EAF2: variants seen among roughly 807,000 people sequenced by gnomAD.
EAF2 encodes ELL associated factor 2.
In EAF2, 29 loss-of-function variants were observed where a neutral mutation model predicts 29.4. The observed-to-expected ratio is 0.99, with a 90% CI of 0.73 to 1.35. EAF2 has a LOEUF of 1.35. Among genes scored for constraint, EAF2 ranks in the 40% most tolerant of loss-of-function variants. The pLI, the probability that EAF2 is intolerant of heterozygous loss-of-function variation, is 0.00. For synonymous variants in EAF2, 103 were observed against 102.5 expected (o/e 1.00, Z -0.03); for missense variants, 292 against 312.0 (o/e 0.94, Z 0.48).
intron 4 of EAF2, among the ~76,000 whole-genome samples, chr3:121,863,872 T>A (rs892241337): frequency 6.6e-6 from 1 of 152,088 alleles, no homozygotes; most frequent in Non-Finnish European, 1.5e-5. Context: ...GTAAAAAAAA[T>A]GACTCTTTAG....
At chr3:121,876,472 A>G (rs990299328) in intron 5 of EAF2, among the ~76,000 whole-genome samples, 1 of 151,962 alleles carries the variant, frequency 6.6e-6, no homozygotes, top group Non-Finnish European at 1.5e-5. Context: ...TGAACAAAAA[A>G]ATAGATAAAA....
At chr3:121,877,861 A>G (rs1709127776) in intron 5 of EAF2, among the ~76,000 whole-genome samples, 1 of 152,180 alleles carries the variant, frequency 6.6e-6, no homozygotes, top group South Asian at 2.1e-4. Context: ...GGTGCACTAC[A>G]GCCTCGAACT....
Position 121,855,796 on chromosome 3 carries a change from T to C in EAF2, c.338+973T>C, listed in dbSNP as rs188963140. On this transcript the variant is annotated intron_variant, in intron 3 of 5. Transcript: ENST00000273668. ...ATTGGGCTAGAGGTAAGGTTGTAAT[T>C]TTGTTGGTTGAGGTTAGTGCCATCA... Among the ~76,000 whole-genome samples, 6 of 152,292 alleles carry C rather than the reference T, an allele frequency of 3.9e-5. No homozygotes were observed. The East Asian group carries it at 1.2e-3, about 29-fold the overall frequency.
intron 1 of EAF2, among the ~76,000 whole-genome samples, chr3:121,843,515 T>C (rs1024856493): frequency 6.6e-6 from 1 of 152,174 alleles, no homozygotes; most frequent in Non-Finnish European, 1.5e-5. Context: ...TGTCACTGTG[T>C]AAAAGTCAAA....
intron 1 of EAF2, among the ~76,000 whole-genome samples, chr3:121,837,116 CACTT>C (rs1163853623): frequency 1.3e-5 from 2 of 152,162 alleles, no homozygotes; most frequent in African/African-American, 4.8e-5. Context: ...TTTGAATACA[CACTT>C]AGTCCTGTGG....
intron 3 of EAF2, among the ~76,000 whole-genome samples, chr3:121,856,338 G>A (rs1209324800): frequency 7.4e-6 from 1 of 135,808 alleles, no homozygotes; most frequent in Admixed American, 7.2e-5. Context: ...TTTTTTGGTT[G>A]TTGTTTTATT....
At chr3:121,858,077 C>T (rs940035422) in intron 4 of EAF2, among the ~76,000 whole-genome samples, 1 of 152,134 alleles carries the variant, frequency 6.6e-6, no homozygotes, top group African/African-American at 2.4e-5. Flanking sequence ...CATTGTTGGA[C>T]ATTTGGGTTG....
At chr3:121,857,660 A>G (rs1468196307) in intron 4 of EAF2, among the ~76,000 whole-genome samples, 1 of 152,034 alleles carries the variant, frequency 6.6e-6, no homozygotes, top group Admixed American at 6.6e-5. Flanking sequence ...TCCATATAAG[A>G]GAATTTGTAT....
chr3:121,851,340 G>T (rs971880204), intron 2 of EAF2, among the ~76,000 whole-genome samples: 1 of 146,272 alleles, frequency 6.8e-6, no homozygotes, highest in Admixed American at 6.9e-5. Context: ...ACCATGCCCA[G>T]CTAATTTTTA....
intron 1 of EAF2, among the ~76,000 whole-genome samples, chr3:121,843,657 T>G (rs1433509458): frequency 1.3e-5 from 2 of 152,152 alleles, no homozygotes; most frequent in Non-Finnish European, 2.9e-5. Flanking sequence ...TAAATGGCTT[T>G]AATTGCTTAG....
At chr3:121,836,806 T>A in intron 1 of EAF2, 2 of 985,220 alleles carry the variant, frequency 2.0e-6, no homozygotes, top group Non-Finnish European at 2.4e-6. Context: ...TATGCAATAG[T>A]CTTAATATTA....
At chr3:121,870,751 G>A (rs1708997681) in intron 4 of EAF2, among the ~76,000 whole-genome samples, 1 of 151,972 alleles carries the variant, frequency 6.6e-6, no homozygotes, top group Non-Finnish European at 1.5e-5. Flanking sequence ...CAAAAGATTT[G>A]AACAGGCTTT....
intron 4 of EAF2, among the ~76,000 whole-genome samples, chr3:121,869,791 A>C (rs536205352): frequency 1.3e-5 from 2 of 152,094 alleles, no homozygotes; most frequent in Non-Finnish European, 2.9e-5. Context: ...CAGGAGGCTG[A>C]GGTGAGTGGA....
chr3:121,882,459 A>G (rs1399761561), intron 5 of EAF2, among the ~76,000 whole-genome samples: 3 of 152,122 alleles, frequency 2.0e-5, no homozygotes, highest in Admixed American at 6.5e-5. Flanking sequence ...TCCTACAAAC[A>G]TCATACTAAT....
rs769861551 is a variant in EAF2, at chr3:121,872,983, C to G, written c.736+195C>G. On this transcript the variant is annotated intron_variant, in intron 5 of 5. Coordinates refer to ENST00000273668, the MANE Select transcript of EAF2 (RefSeq NM_018456.6). ...TGCCTTCTTGGTTTTTCTCCCATCT[C>G]TCTAGATAATCTTTCCTCTCACTCC... 6.6e-5 allele frequency: 56 copies of G among 844,788 alleles called. No individual in the cohort carries two copies. In the East Asian group the frequency reaches 1.4e-3, roughly 21 times the overall value. The allele number at this position is 844,788 out of a possible 1,614,324, so 52.3% of individuals were successfully genotyped here. A position where few individuals can be genotyped will look rare whatever the true frequency, so the allele number is the denominator to read the frequency against.
intron 5 of EAF2, among the ~76,000 whole-genome samples, chr3:121,877,025 G>C (rs980221237): frequency 6.6e-6 from 1 of 151,744 alleles, no homozygotes; most frequent in Non-Finnish European, 1.5e-5. Context: ...AAAAAAAGAT[G>C]CTAGCTAAGT....
intron 4 of EAF2, among the ~76,000 whole-genome samples, chr3:121,870,757 G>A (rs1388798473): frequency 6.6e-6 from 1 of 152,028 alleles, no homozygotes; most frequent in African/African-American, 2.4e-5. Context: ...ATTTGAACAG[G>A]CTTTTCAAAA....
At chr3:121,847,036 A>G (rs2107505550) in intron 2 of EAF2, among the ~76,000 whole-genome samples, 1 of 152,252 alleles carries the variant, frequency 6.6e-6, no homozygotes, top group East Asian at 1.9e-4. Flanking sequence ...CCTTTCCACA[A>G]GCCCCCACAG....
Position 121,872,769 on chromosome 3 carries a change from C to T in EAF2, c.717C>T (p.Gly239=), listed in dbSNP as rs115221306. 8.1e-6 allele frequency: 13 copies of T among 1,611,266 alleles called. No individual in the cohort carries two copies. Among genetic ancestry groups the T allele is most frequent in the East Asian group, 2.2e-5 (1 of 44,758 alleles). ...ATAATAGATTTCGAGACAACAGTGGCCTTCTGATGAATACTTTAAGTAAGT... is the reference window on the plus strand; with the variant it reads ...ATAATAGATTTCGAGACAACAGTGGTCTTCTGATGAATACTTTAAGTAAGT... The part of the protein sequence containing the change: ...ASHNRFRDNS[G]LLMNTLRNDL... The change falls in exon 5 of 6, where the codon GGC becomes GGT. Residue 239 remains glycine, a synonymous_variant. Transcript: ENST00000273668.
Sources: allele counts gnomAD v4.1 joint callset (sites outside exome capture counted in the v4.1 genomes callset), GRCh38; gene constraint gnomAD v4.1.1; transcripts MANE v1.5; gene names NCBI Gene and HGNC (gene_info 2026-07-23, HGNC 2026-07-21).